Variants in EPHA10 observed in about 807,000 individuals in gnomAD.
The protein encoded by EPHA10 is EPH receptor A10.
EPHA10 carries 120 observed loss-of-function variants against 109.7 expected under a neutral mutation model. That is an observed-to-expected ratio of 1.09 (90% CI 0.94 to 1.27). The LOEUF (loss-of-function observed/expected upper bound fraction) is 1.27. EPHA10 is among the 50% of genes most tolerant of loss of function. The pLI, the probability that EPHA10 is intolerant of heterozygous loss-of-function variation, is 0.00. For synonymous variants in EPHA10, 640 were observed against 618.9 expected, an observed-to-expected ratio of 1.03 and a Z score of -0.51; for missense variants, 1,396 against 1,411.1, an observed-to-expected ratio of 0.99 and a Z score of 0.17.
At chr1:37,749,594 A>G (rs561236981) in intron 5 of EPHA10, among the ~76,000 whole-genome samples, 2 of 151,760 alleles carry the variant, frequency 1.3e-5, no homozygotes, top group Non-Finnish European at 2.9e-5. Context: ...AGTCGCTTCA[A>G]CCCAGGAGGC....
At chr1:37,731,663 G>A in intron 6 of EPHA10, 81 bp from the exon 7 acceptor site, 1 of 1,432,912 alleles carries the variant, frequency 7.0e-7, no homozygotes, top group Non-Finnish European at 9.3e-7. Context: ...GGAACAGGGA[G>A]GCAGGAGAAG....
Position 37,720,534 on chromosome 1 carries a change from C to G in EPHA10, c.2229G>C (p.Val743=), listed in dbSNP as rs12726343. Residue 743 remains valine, a synonymous_variant, in exon 13 of 17, where the codon GTG becomes GTC. Transcript: ENST00000373048. The part of the protein sequence containing the change: ...GFLRRHEGQL[V]AGQLMGLLPG... ...GCAGCAACCCCATCAGTTGCCCAGCCACCAGCTGCCCCTCGTGCCGCTGTG... is the reference window on the plus strand; with the variant it reads ...GCAGCAACCCCATCAGTTGCCCAGCGACCAGCTGCCCCTCGTGCCGCTGTG... 0.083 allele frequency: 133,196 copies of G among 1,611,522 alleles called. 6,119 individuals carry two copies. The highest frequency in any genetic ancestry group is 0.1 in the Middle Eastern group (621 of 6,056).
Position 37,721,850 on chromosome 1 carries a change from G to A in EPHA10, c.1961-5C>T, listed in dbSNP as rs765790502. ...AGCACAGCTCCCCAAACCGCCCTGT[G>A]GGGAAACAGCACCTCAGATACCGCC... On this transcript the variant is annotated splice_polypyrimidine_tract_variant and splice_region_variant and intron_variant, in intron 10 of 16. Coordinates refer to ENST00000373048, the MANE Select transcript of EPHA10 (RefSeq NM_001099439.2). 1.3e-6 allele frequency: 2 copies of A among 1,571,590 alleles called. No individual in the cohort carries two copies. Among genetic ancestry groups the A allele is most frequent in the East Asian group, 2.3e-5 (1 of 43,238 alleles).
intron 8 of EPHA10, among the ~76,000 whole-genome samples, chr1:37,724,811 A>G (rs1208271261): frequency 6.6e-6 from 1 of 152,216 alleles, no homozygotes; most frequent in East Asian, 1.9e-4. Flanking sequence ...GCTTCCCAGC[A>G]TCTCCGCTCG....
At position 37,752,959 on chromosome 1, in the gene EPHA10, A is replaced by G. The variant is rs1390133325; in HGVS notation, c.1274T>C (p.Val425Ala). The change falls in exon 5 of 17, where the codon GTG becomes GCG. Residue 425 changes from valine to alanine, a missense_variant. Transcript: ENST00000373048. ...GCCCGAGACGCCGTTGAGCGCGGCC[A>G]CGCGCACGGTGTAGCGCGCGCCGGG... ...LRPGARYTVR[V>A]AALNGVSGPA... The G allele has an allele frequency of 1.5e-6, 2 of 1,292,184 alleles. No individual in the cohort carries two copies. The highest frequency in any genetic ancestry group is 2.0e-6 in the Non-Finnish European group (2 of 1,023,292). The allele number at this position is 1,292,184 out of a possible 1,614,324, so 80.0% of individuals were successfully genotyped here.
intron 3 of EPHA10, among the ~76,000 whole-genome samples, chr1:37,756,015 A>G (rs1219377806): frequency 6.6e-6 from 1 of 152,162 alleles, no homozygotes; most frequent in Non-Finnish European, 1.5e-5. Context: ...TCTGGAAGGC[A>G]TAGGTTTGAG....
Position 37,720,479 on chromosome 1 carries a change from A to T in EPHA10, c.2284T>A (p.Ser762Thr), listed in dbSNP as rs1388764638. The T allele has an allele frequency of 2.5e-6, 4 of 1,613,438 alleles. No individual in the cohort carries two copies. Among genetic ancestry groups the T allele is most frequent in the Non-Finnish European group, 3.4e-6 (4 of 1,180,016 alleles). ...CCCCGGTGAACGTAGCCCATCTCTG[A>T]CAGATACTTCATGGCTGATGCCAGC... ...PGLASAMKYL[S>T]EMGYVHRGLA... Residue 762 changes from serine (S) to threonine (T), a missense_variant, in exon 13 of 17, where the codon TCA becomes ACA. By Grantham distance (58) the Ser-to-Thr change is moderately conservative (BLOSUM62 1). Coordinates refer to ENST00000373048, the MANE Select transcript of EPHA10 (RefSeq NM_001099439.2).
chr1:37,728,485 A>C (rs1355278872), intron 7 of EPHA10, among the ~76,000 whole-genome samples: 1 of 152,156 alleles, frequency 6.6e-6, no homozygotes, highest in Non-Finnish European at 1.5e-5. Flanking sequence ...GACTGAACTG[A>C]GATTGGAAAG....
At chr1:37,748,475 C>A (rs1428690552) in intron 5 of EPHA10, among the ~76,000 whole-genome samples, 1 of 152,024 alleles carries the variant, frequency 6.6e-6, no homozygotes, top group Non-Finnish European at 1.5e-5. Flanking sequence ...TAAAACTGTC[C>A]CAGAGCAGAG....
chr1:37,745,082 TC>T (rs1357971734), intron 5 of EPHA10, among the ~76,000 whole-genome samples: 2 of 152,038 alleles, frequency 1.3e-5, no homozygotes, highest in African/African-American at 4.8e-5. Context: ...CAGGGAAGGG[TC>T]CTCCTCTAGA....
intron 3 of EPHA10, among the ~76,000 whole-genome samples, chr1:37,757,765 A>G (rs992149660): frequency 6.6e-5 from 10 of 152,144 alleles, no homozygotes; most frequent in African/African-American, 2.4e-4. Flanking sequence ...TCTACTAGGT[A>G]GGCTCTATAG....
In EPHA10 at chr1:37,727,157, T is replaced by C. The variant is rs1364287256; in HGVS notation, c.1717A>G (p.Ile573Val). 1.2e-6 allele frequency: 2 copies of C among 1,612,906 alleles called. No homozygotes were observed. Among genetic ancestry groups the C allele is most frequent in the East Asian group, 2.2e-5 (1 of 44,782 alleles). ...GAGCCCAGGACGAGGAGGGCCGAGA[T>C]GGTCACTACGGTGACGACAATGGCG... Reference protein sequence around the residue: ...SPAIVVTVVTISALLVLGSVM... With the variant: ...SPAIVVTVVTVSALLVLGSVM... Residue 573 changes from isoleucine (I) to valine (V), a missense_variant, in exon 8 of 17, where the codon ATC (isoleucine) becomes GTC (valine). By Grantham distance (29) the Ile-to-Val change is conservative. Coordinates refer to ENST00000373048, the MANE Select transcript of EPHA10 (RefSeq NM_001099439.2).
At position 37,721,690 on chromosome 1, in the gene EPHA10, T is replaced by C. The variant is rs752759776; in HGVS notation, c.2116A>G (p.Ile706Val). The C allele has an allele frequency of 6.2e-7, 1 of 1,610,626 alleles. No individual in the cohort carries two copies. The highest frequency in any genetic ancestry group is 8.5e-7 in the Non-Finnish European group (1 of 1,179,012). Residue 706 changes from isoleucine to valine, a missense_variant, in exon 11 of 17, where the codon ATC becomes GTC. Coordinates refer to ENST00000373048, the MANE Select transcript of EPHA10 (RefSeq NM_001099439.2). ...LTLGQFDHSH[I>V]VRLEGVVTRG... ...GTAACAACGCCCTCCAGCCGCACGATGTGGCTATGGTCAAACTGGCCCAGC... is the reference window on the plus strand; with the variant it reads ...GTAACAACGCCCTCCAGCCGCACGACGTGGCTATGGTCAAACTGGCCCAGC...
In EPHA10 at chr1:37,716,141, T is replaced by C. The variant is rs1645687959; in HGVS notation, c.*2231A>G. 2 of 428,032 alleles carry C rather than the reference T, an allele frequency of 4.7e-6. No individual in the cohort carries two copies. Among genetic ancestry groups the C allele is most frequent in the South Asian group, 2.2e-5 (1 of 45,860 alleles). 26.5% of individuals were successfully genotyped at this position (428,032 alleles called of 1,614,324 possible). On this transcript the variant is annotated 3_prime_UTR_variant, in exon 17 of 17. Transcript: ENST00000373048. The stretch of plus-strand genomic sequence containing the variant: ...CCAGTGAACAAGTTCCATATAAAAA[T>C]AGATCTGTAGAGGGTTCCCAGAGAG...
Position 37,718,182 on chromosome 1 carries a change from G to A in EPHA10, c.*190C>T, listed in dbSNP as rs12065255. On this transcript the variant is annotated 3_prime_UTR_variant, in exon 17 of 17. Transcript: ENST00000373048. The stretch of plus-strand genomic sequence containing the variant: ...TCAGGGGCACTGAGTTAGCCAAGGC[G>A]TTCAGACTCGTGAAAATGGGAGGGG... 3.4e-3 allele frequency: 2,018 copies of A among 600,724 alleles called. 33 individuals are homozygous for A. Among genetic ancestry groups the A allele is most frequent in the African/African-American group, 0.033 (1,773 of 53,752 alleles). The allele number at this position is 600,724 out of a possible 1,614,324, so 37.2% of individuals were successfully genotyped here. A position where few individuals can be genotyped will look rare whatever the true frequency, so the allele number is the denominator to read the frequency against.
At chr1:37,722,770 A>G in intron 10 of EPHA10, 1 of 583,054 alleles carries the variant, frequency 1.7e-6, no homozygotes, top group East Asian at 3.6e-5. Context: ...AAGGCCTGGG[A>G]CTAAACTGCC....
At chr1:37,759,928 G>A (rs570820542) in intron 3 of EPHA10, among the ~76,000 whole-genome samples, 3 of 152,322 alleles carry the variant, frequency 2.0e-5, no homozygotes, top group Admixed American at 6.5e-5. Context: ...AACTATATCT[G>A]GAGAGCTCAG....
chr1:37,740,278 GCTTTT>G (rs998032708), intron 5 of EPHA10, among the ~76,000 whole-genome samples: 16 of 151,662 alleles, frequency 1.1e-4, no homozygotes, highest in African/African-American at 3.9e-4. Flanking sequence ...GGGATTAGTT[GCTTTT>G]ATTTTATTTT....
chr1:37,742,930 G>T (rs1646176860), intron 5 of EPHA10, among the ~76,000 whole-genome samples: 1 of 152,058 alleles, frequency 6.6e-6, no homozygotes, highest in Non-Finnish European at 1.5e-5. Flanking sequence ...AGGAATTTGA[G>T]GTTACAGTGA....
Sources: gnomAD v4.1 joint callset for allele counts (sites outside exome capture counted in the v4.1 genomes callset) on GRCh38, gnomAD v4.1.1 for gene constraint, MANE v1.5 for transcripts, NCBI Gene and HGNC (gene_info 2026-07-23, HGNC 2026-07-21) for gene names.